The following CNTN3 variants were observed in gnomAD, a reference collection of about 807,000 sequenced individuals.
CNTN3 encodes the protein contactin 3.
A neutral mutation model predicts 119.1 loss-of-function variants in CNTN3; 60 were observed. The observed-to-expected ratio is 0.50, with a 90% CI of 0.41 to 0.62. The LOEUF is 0.62. CNTN3 is among the 20% of genes least tolerant of loss of function. CNTN3 has a pLI of 0.00. For synonymous variants in CNTN3, 450 were observed against 438.7 expected (o/e 1.03, Z -0.32); for missense variants, 1,101 against 1,242.4 (o/e 0.89, Z 1.71).
At chr3:74,519,146 C>T (rs1246860099) in intron 2 of CNTN3, among the ~76,000 whole-genome samples, 6 of 151,698 alleles carry the variant, frequency 4.0e-5, no homozygotes, top group Non-Finnish European at 8.9e-5. Flanking sequence ...GGGGTCCATA[C>T]ATTACATATA....
chr3:74,565,922 T>C (rs1373606125), intron 1 of CNTN3, among the ~76,000 whole-genome samples: 1 of 152,152 alleles, frequency 6.6e-6, no homozygotes, highest in East Asian at 1.9e-4. Flanking sequence ...GGCAAGTCTT[T>C]TCCATGCTGT....
chr3:74,614,433 T>TCGCCGC lies in CNTN3; in HGVS notation c.-129_-124dup, dbSNP rs548175205. Among the ~76,000 whole-genome samples the TCGCCGC allele has an allele frequency of 1.6e-3, 238 of 145,442 alleles. No individual in the cohort carries two copies. The highest frequency in any genetic ancestry group is 0.011 in the Middle Eastern group (3 of 280). On this transcript the variant is annotated 5_prime_UTR_variant, in exon 1 of 23. Coordinates refer to ENST00000263665, the MANE Select transcript of CNTN3 (RefSeq NM_020872.3). Reference sequence around the variant, plus strand: ...CCAGACGCCCGCCCCGACGGCCCACTCGCCGCCGCCGCCGCCGCCGCCGCC... The same window carrying TCGCCGC: ...CCAGACGCCCGCCCCGACGGCCCACTCGCCGCCGCCGCCGCCGCCGCCGCCGCCGCC...
intron 5 of CNTN3, among the ~76,000 whole-genome samples, chr3:74,388,933 T>C (rs1464408139): frequency 6.6e-6 from 1 of 152,210 alleles, no homozygotes; most frequent in East Asian, 1.9e-4. Context: ...AGTTAATCCC[T>C]GCAGTTTTCT....
At chr3:74,489,637 CGCCTAAT>C (rs1702926879) in intron 3 of CNTN3, among the ~76,000 whole-genome samples, 19 of 135,216 alleles carry the variant, frequency 1.4e-4, no homozygotes, top group East Asian at 4.5e-4. Context: ...CCCACCCCTC[CGCCTAAT>C]CCCCAGGCCT....
intron 7 of CNTN3, among the ~76,000 whole-genome samples, 177 bp from the exon 8 acceptor site, chr3:74,369,550 T>C (rs534753006): frequency 6.6e-6 from 1 of 152,140 alleles, no homozygotes; most frequent in African/African-American, 2.4e-5. Context: ...AAGTTGATAT[T>C]TTAATAAAAT....
At chr3:74,337,132 G>GC (rs1420868438) in intron 11 of CNTN3, among the ~76,000 whole-genome samples, 4 of 151,978 alleles carry the variant, frequency 2.6e-5, no homozygotes, top group Non-Finnish European at 5.9e-5. Flanking sequence ...GAGTCACATC[G>GC]CCCCAATAAA....
chr3:74,393,180 G>T (rs987705292), intron 5 of CNTN3, among the ~76,000 whole-genome samples: 5 of 152,252 alleles, frequency 3.3e-5, no homozygotes, highest in Admixed American at 6.5e-5. Context: ...TCGACTGAAA[G>T]AAACATCTTC....
At chr3:74,297,309 G>A (rs1702358759) in intron 18 of CNTN3, among the ~76,000 whole-genome samples, 2 of 151,404 alleles carry the variant, frequency 1.3e-5, no homozygotes, top group Admixed American at 1.3e-4. Context: ...TTTTTAAATT[G>A]ATGGTTATGA....
intron 1 of CNTN3, among the ~76,000 whole-genome samples, chr3:74,577,092 T>A (rs1704430433): frequency 6.6e-6 from 1 of 152,002 alleles, no homozygotes; most frequent in Admixed American, 6.6e-5. Context: ...CACATACCTC[T>A]CCCTAGAGAA....
At chr3:74,541,124 G>T (rs1010218960) in intron 1 of CNTN3, among the ~76,000 whole-genome samples, 1 of 152,114 alleles carries the variant, frequency 6.6e-6, no homozygotes, top group African/African-American at 2.4e-5. Flanking sequence ...CTCATATCCT[G>T]ACTGTAGGAG....
At chr3:74,395,884 T>C (rs1009951518) in intron 5 of CNTN3, among the ~76,000 whole-genome samples, 1 of 152,206 alleles carries the variant, frequency 6.6e-6, no homozygotes, top group African/African-American at 2.4e-5. Context: ...ACTTCTTGCA[T>C]ATTTAAAACG....
Position 74,302,798 on chromosome 3 carries a change from C to T in CNTN3, c.1678G>A (p.Gly560Ser). Residue 560 changes from glycine to serine, a missense_variant, in exon 14 of 23, where the codon GGT (glycine) becomes AGT (serine). By Grantham distance (56) the Gly-to-Ser change is moderately conservative. Transcript: ENST00000263665. ...TGAATGTTTCTGATCATTAAATCAC[C>T]AGATGAACTCTGTTGGGAAAACAGG... is the stretch of plus-strand genomic sequence containing the variant. Reference protein sequence around the residue: ...HFEKVGGSSSGDLMIRNIQLK... With the variant: ...HFEKVGGSSSSDLMIRNIQLK... The T allele has an allele frequency of 6.2e-7, 1 of 1,604,804 alleles. No individual in the cohort carries two copies. Among genetic ancestry groups the T allele is most frequent in the South Asian group, 1.1e-5 (1 of 90,660 alleles).
chr3:74,386,907 TG>T (rs1704762100), intron 5 of CNTN3, among the ~76,000 whole-genome samples: 1 of 152,148 alleles, frequency 6.6e-6, no homozygotes, highest in Admixed American at 6.6e-5. Context: ...GTAGGTTCTG[TG>T]GGAGAAGCAG....
chr3:74,590,500 C>T (rs1350315273), intron 1 of CNTN3, among the ~76,000 whole-genome samples: 2 of 110,174 alleles, frequency 1.8e-5, no homozygotes, highest in Non-Finnish European at 3.1e-5. Flanking sequence ...CAGAGCAACT[C>T]TGGGCAGTGC....
At chr3:74,349,681 T>C (rs187434467) in intron 11 of CNTN3, among the ~76,000 whole-genome samples, 134 of 152,342 alleles carry the variant, frequency 8.8e-4, no homozygotes, top group African/African-American at 3.1e-3. Context: ...AAAAGTAGCA[T>C]GTAATGATAT....
intron 17 of CNTN3, among the ~76,000 whole-genome samples, chr3:74,299,066 G>A (rs1325087707): frequency 2.0e-5 from 3 of 151,940 alleles, no homozygotes; most frequent in South Asian, 2.1e-4. Flanking sequence ...AATTACCCAC[G>A]CATGGTGGCG....
chr3:74,574,884 G>C (rs1704389269), intron 1 of CNTN3, among the ~76,000 whole-genome samples: 1 of 151,842 alleles, frequency 6.6e-6, no homozygotes, highest in Non-Finnish European at 1.5e-5. Flanking sequence ...ACTGCTCACT[G>C]TGAGAGAAAG....
At chr3:74,515,996 A>G (rs1302452237) in intron 2 of CNTN3, among the ~76,000 whole-genome samples, 1 of 151,954 alleles carries the variant, frequency 6.6e-6, no homozygotes, top group Non-Finnish European at 1.5e-5. Context: ...AGTCTCTCTT[A>G]CCCACCACCA....
intron 20 of CNTN3, among the ~76,000 whole-genome samples, chr3:74,276,317 C>T (rs1035340677): frequency 3.9e-5 from 6 of 152,044 alleles, no homozygotes; most frequent in African/African-American, 1.4e-4. Flanking sequence ...AACATTCCAT[C>T]CAACAACCAC....
Sources: gnomAD v4.1 joint callset for allele counts (sites outside exome capture counted in the v4.1 genomes callset) on GRCh38, gnomAD v4.1.1 for gene constraint, MANE v1.5 for transcripts, NCBI Gene and HGNC (gene_info 2026-07-23, HGNC 2026-07-21) for gene names.